The following ADGRE2 variants were observed in gnomAD, a reference collection of about 807,000 sequenced individuals.
The protein encoded by ADGRE2 is adhesion G protein-coupled receptor E2.
ADGRE2 carries 83 observed loss-of-function variants against 100.8 expected under a neutral mutation model. The observed-to-expected ratio is 0.82, with a 90% CI of 0.69 to 0.99. The LOEUF is 0.99. ADGRE2 is among the 50% of genes least tolerant of loss of function. The pLI is 0.00. For missense variants in ADGRE2, 814 were observed against 1,035.7 expected (o/e 0.79, Z 2.94); for synonymous variants, 355 against 413.0 (o/e 0.86, Z 1.70).
In ADGRE2 at chr19:14,772,472, C is replaced by T. The variant is rs146183015; in HGVS notation, c.225G>A (p.Ser75=). The change falls in exon 5 of 21, where the codon TCG becomes TCA. Residue 75 remains serine, a synonymous_variant. Coordinates refer to ENST00000315576, the MANE Select transcript of ADGRE2 (RefSeq NM_013447.4). ...CDDINECATL[S]KVSCGKFSDC... ...CCGAGAATTTTCCGCATGACACTTT[C>T]GACAGTGTTGCACACTCGTTGATGT... 2.3e-4 allele frequency: 372 copies of T among 1,613,876 alleles called. No individual in the cohort carries two copies. Among genetic ancestry groups the T allele is most frequent in the Middle Eastern group, 3.3e-4 (2 of 6,082 alleles).
intron 17 of ADGRE2, 50 bp downstream of exon 17, chr19:14,746,846 T>G: frequency 6.4e-7 from 1 of 1,557,974 alleles, no homozygotes; most frequent in Non-Finnish European, 8.8e-7. Flanking sequence ...ATCTTGTTTT[T>G]CTAATGACCC....
chr19:14,764,336 G>GAT, intron 11 of ADGRE2, 97 bp downstream of exon 11: 2 of 1,069,356 alleles, frequency 1.9e-6, no homozygotes, highest in Non-Finnish European at 2.8e-6. Flanking sequence ...GAGTAACACT[G>GAT]ATATACAGGT....
intron 5 of ADGRE2, among the ~76,000 whole-genome samples, chr19:14,771,105 C>T (rs1221897988): frequency 2.6e-5 from 4 of 152,118 alleles, no homozygotes; most frequent in South Asian, 2.1e-4. Context: ...TATGCAGCTG[C>T]GTGCTCTCAG....
chr19:14,777,239 CT>C (rs139455775), intron 1 of ADGRE2, among the ~76,000 whole-genome samples: 157 of 152,332 alleles, frequency 1.0e-3, no homozygotes, highest in African/African-American at 3.6e-3. Context: ...TGGGCTCCCA[CT>C]TTGGTAGGGC....
At chr19:14,768,636 AGT>A (rs2044079911) in intron 5 of ADGRE2, among the ~76,000 whole-genome samples, 1 of 152,146 alleles carries the variant, frequency 6.6e-6, no homozygotes, top group South Asian at 2.1e-4. Flanking sequence ...GGTCCACACT[AGT>A]GCCTCTTCCA....
At chr19:14,751,023 G>T (rs1321245081) in intron 16 of ADGRE2, among the ~76,000 whole-genome samples, 1 of 151,940 alleles carries the variant, frequency 6.6e-6, no homozygotes, top group Non-Finnish European at 1.5e-5. Context: ...GTGTTGCCCA[G>T]GCTGGTCTCA....
intron 16 of ADGRE2, among the ~76,000 whole-genome samples, chr19:14,748,325 T>TTTTATTTTA (rs2043154861): frequency 2.8e-5 from 1 of 35,600 alleles, no homozygotes; most frequent in South Asian, 1.2e-3. Context: ...ATTTTATTTT[T>TTTTATTTTA]TTGAGATGGA....
At chr19:14,777,113 T>C (rs1253103722) in intron 1 of ADGRE2, 186 bp from the exon 2 acceptor site, 4 of 985,170 alleles carry the variant, frequency 4.1e-6, no homozygotes, top group Non-Finnish European at 4.8e-6. Context: ...GGCCTCTGTG[T>C]GTTCCAGGCT....
At chr19:14,748,456 C>T (rs1376928232) in intron 16 of ADGRE2, among the ~76,000 whole-genome samples, 1 of 152,006 alleles carries the variant, frequency 6.6e-6, no homozygotes, top group Non-Finnish European at 1.5e-5. Context: ...TTACAGGCAC[C>T]CACGACCACG....
rs35330041 is a variant in ADGRE2 at position 14,756,914 on chromosome 19, AT to A, written c.1085-570del. 1.8e-3 allele frequency among the ~76,000 whole-genome samples: 259 copies of A among 147,054 alleles called. 1 individual carries two copies. Among genetic ancestry groups the A allele is most frequent in the East Asian group, 0.012 (60 of 5,064 alleles). On this transcript the variant is annotated intron_variant, in intron 11 of 20. Transcript: ENST00000315576. ...AGACTTATAGGAAAGTTTTTTGAGTATTTTTTTTTTTTTGAGACAAATTCTC... is the reference window on the plus strand; with the variant it reads ...AGACTTATAGGAAAGTTTTTTGAGTATTTTTTTTTTTTGAGACAAATTCTC...
rs1568623230 is a variant in ADGRE2 at position 14,770,677 on chromosome 19, T to TTC, written c.355+1664_355+1665insGA. Among the ~76,000 whole-genome samples, 82 of 120,768 alleles carry TTC rather than the reference T, an allele frequency of 6.8e-4. 6 individuals are homozygous for TTC. Among genetic ancestry groups the TTC allele is most frequent in the Middle Eastern group, 3.9e-3 (1 of 256 alleles). 79.2% of individuals were successfully genotyped at this position (120,768 alleles called of 152,430 possible). On this transcript the variant is annotated intron_variant, in intron 5 of 20. Transcript: ENST00000315576. ...TTTTGTTTCTTTCTTTTCTTTTTTT[T>TTC]TTTTTTTTTTTTTTTTTTTTGAGAC... is the stretch of plus-strand genomic sequence containing the variant.
intron 10 of ADGRE2, 109 bp from the exon 11 acceptor site, chr19:14,764,719 G>T: frequency 1.7e-6 from 2 of 1,206,174 alleles, no homozygotes; most frequent in Non-Finnish European, 2.3e-6. Context: ...CTATCTGGGG[G>T]ATGAAGATGG....
At chr19:14,729,389 C>T (rs2042654115), downstream of ADGRE2, among the ~76,000 whole-genome samples, 1 of 151,428 alleles carries the variant, frequency 6.6e-6, no homozygotes, top group Non-Finnish European at 1.5e-5. Flanking sequence ...GAGACAGGGT[C>T]TAATTGTTGT....
chr19:14,751,971 T>C (rs1361285971), intron 15 of ADGRE2, among the ~76,000 whole-genome samples: 12 of 150,342 alleles, frequency 8.0e-5, no homozygotes, highest in South Asian at 4.2e-4. Context: ...TTCACTCTTG[T>C]TGCCCAGGCT....
intron 2 of ADGRE2, among the ~76,000 whole-genome samples, chr19:14,775,753 G>T (rs756341897): frequency 6.6e-6 from 1 of 150,846 alleles, no homozygotes; most frequent in Non-Finnish European, 1.5e-5. Flanking sequence ...CAACTACTTG[G>T]GAGATTGAGG....
chr19:14,740,609 G>A (rs1368951251), intron 20 of ADGRE2, among the ~76,000 whole-genome samples: 13 of 120,996 alleles, frequency 1.1e-4, no homozygotes, highest in African/African-American at 4.2e-4. Flanking sequence ...TAATAAGAGC[G>A]AAACTCCGTC....
rs769712002 is a variant in ADGRE2, at chr19:14,746,365, C to A, written c.2092-42G>T. The A allele has an allele frequency of 8.7e-5, 96 of 1,100,340 alleles. 1 individual carries two copies. The highest frequency in any genetic ancestry group is 1.3e-4 in the Non-Finnish European group (94 of 743,758). 68.2% of individuals were successfully genotyped at this position (1,100,340 alleles called of 1,614,324 possible). On this transcript the variant is annotated intron_variant, in intron 17 of 20. Coordinates refer to ENST00000315576, the MANE Select transcript of ADGRE2 (RefSeq NM_013447.4). Reference sequence around the variant, plus strand: ...AAGATTTGTTGAATAGATTTTGAAACCTGTTATCTCTTTTTTTTTTTTTTT... The same window carrying A: ...AAGATTTGTTGAATAGATTTTGAAAACTGTTATCTCTTTTTTTTTTTTTTT...
intron 18 of ADGRE2, 61 bp downstream of exon 18, chr19:14,746,171 A>G (rs1209769780): frequency 1.9e-6 from 2 of 1,033,972 alleles, no homozygotes; most frequent in African/African-American, 1.7e-5. Flanking sequence ...GCTGAGGCAC[A>G]TGGCTTGGCT....
chr19:14,756,810 T>G (rs1479698026), intron 11 of ADGRE2, among the ~76,000 whole-genome samples: 1 of 152,080 alleles, frequency 6.6e-6, no homozygotes, highest in African/African-American at 2.4e-5. Flanking sequence ...AATAAAATTA[T>G]AGACCAATAT....
Sources: gnomAD v4.1 joint callset for allele counts (sites outside exome capture counted in the v4.1 genomes callset) on GRCh38, gnomAD v4.1.1 for gene constraint, MANE v1.5 for transcripts, NCBI Gene and HGNC (gene_info 2026-07-23, HGNC 2026-07-21) for gene names.